Variants in ERBB4 observed in about 807,000 individuals in gnomAD.
The protein encoded by ERBB4 is receptor tyrosine-protein kinase erbB-4.
A neutral mutation model predicts 158.0 loss-of-function variants in ERBB4; 42 were observed. The observed-to-expected ratio is 0.27, with a 90% CI of 0.21 to 0.34. ERBB4 has a LOEUF of 0.34. Ranked by LOEUF, ERBB4 falls within the 10% of genes least tolerant of loss-of-function variation. The probability of loss-of-function intolerance (pLI) is 1.00; values close to 1 mark genes in which losing one functional copy is unlikely to be tolerated. For missense variants in ERBB4, 1,333 were observed against 1,624.1 expected (o/e 0.82, Z 3.08); for synonymous variants, 583 against 558.7 (o/e 1.04, Z -0.61).
intron 3 of ERBB4, among the ~76,000 whole-genome samples, chr2:211,920,456 TTTACTC>T (rs1309677252): frequency 6.6e-6 from 1 of 151,966 alleles, no homozygotes; most frequent in Non-Finnish European, 1.5e-5. Flanking sequence ...AGGTGGTACT[TTTACTC>T]TGAGCTGTTT....
At chr2:212,333,310 G>T (rs1481096368) in intron 1 of ERBB4, among the ~76,000 whole-genome samples, 1 of 151,692 alleles carries the variant, frequency 6.6e-6, no homozygotes, top group Non-Finnish European at 1.5e-5. Flanking sequence ...AATCCGGGTG[G>T]CCATAACTAA....
At chr2:211,851,281 G>GA (rs1468761830) in intron 3 of ERBB4, among the ~76,000 whole-genome samples, 1 of 151,630 alleles carries the variant, frequency 6.6e-6, no homozygotes, top group African/African-American at 2.4e-5. Context: ...AGGTCTGCAA[G>GA]AAATATAATT....
chr2:211,655,660 G>T (rs2071184507), intron 16 of ERBB4, among the ~76,000 whole-genome samples: 1 of 152,206 alleles, frequency 6.6e-6, no homozygotes, highest in Admixed American at 6.5e-5. Context: ...TGTTCTAGCT[G>T]ATAATGCAGT....
At chr2:211,773,724 C>T (rs73069336) in intron 4 of ERBB4, among the ~76,000 whole-genome samples, 20,616 of 140,754 alleles carry the variant, frequency 0.15, 1,762 homozygotes, top group South Asian at 0.33. Flanking sequence ...TATATATATA[C>T]ACACACACAC....
At chr2:211,695,517 G>A (rs1313837951) in intron 12 of ERBB4, among the ~76,000 whole-genome samples, 1 of 151,962 alleles carries the variant, frequency 6.6e-6, no homozygotes, top group Non-Finnish European at 1.5e-5. Context: ...ATTTTAAAAT[G>A]TTTTAATTTA....
At chr2:212,263,282 A>T (rs545528330) in intron 1 of ERBB4, among the ~76,000 whole-genome samples, 1 of 152,172 alleles carries the variant, frequency 6.6e-6, no homozygotes, top group East Asian at 1.9e-4. Context: ...ACTGTGAGAG[A>T]ACAAATTTCT....
At chr2:211,925,193 T>C (rs548915627) in intron 3 of ERBB4, among the ~76,000 whole-genome samples, 12 of 152,122 alleles carry the variant, frequency 7.9e-5, no homozygotes, top group Admixed American at 7.9e-4. Context: ...GAAAAATACT[T>C]TTTCTTTATA....
At chr2:211,721,627 A>G (rs1193804685) in intron 7 of ERBB4, among the ~76,000 whole-genome samples, 1 of 64,592 alleles carries the variant, frequency 1.5e-5, no homozygotes, top group African/African-American at 7.5e-5. Flanking sequence ...AAACATATAT[A>G]TATATATATA....
chr2:211,541,629 A>T (rs2066812469), intron 20 of ERBB4, among the ~76,000 whole-genome samples: 1 of 152,060 alleles, frequency 6.6e-6, no homozygotes, highest in Non-Finnish European at 1.5e-5. Context: ...GTTCTTCTTC[A>T]TCAGGACTTT....
intron 3 of ERBB4, among the ~76,000 whole-genome samples, chr2:211,848,858 TATGCAACTAGCAG>T (rs2077653371): frequency 6.6e-6 from 1 of 152,232 alleles, no homozygotes; most frequent in African/African-American, 2.4e-5. Flanking sequence ...TATCAGCTGG[TATGCAACTAGCAG>T]ATGCTCAGCT....
intron 1 of ERBB4, among the ~76,000 whole-genome samples, chr2:212,299,262 T>A (rs1465221145): frequency 6.6e-6 from 1 of 151,686 alleles, no homozygotes; most frequent in Non-Finnish European, 1.5e-5. Flanking sequence ...ATGACACCAA[T>A]TACTTTTGCC....
At chr2:211,804,833 A>G (rs907250049) in intron 3 of ERBB4, among the ~76,000 whole-genome samples, 3 of 152,108 alleles carry the variant, frequency 2.0e-5, no homozygotes, top group African/African-American at 7.2e-5. Context: ...GAACATGGTT[A>G]GAGTGAATCC....
intron 1 of ERBB4, among the ~76,000 whole-genome samples, chr2:212,430,543 C>T (rs903519783): frequency 3.3e-5 from 5 of 151,680 alleles, no homozygotes; most frequent in African/African-American, 4.8e-5. Flanking sequence ...TGGGTTGAAG[C>T]GATTCTCCTG....
intron 2 of ERBB4, among the ~76,000 whole-genome samples, chr2:212,022,071 C>T (rs1321655393): frequency 6.6e-6 from 1 of 152,098 alleles, no homozygotes; most frequent in Non-Finnish European, 1.5e-5. Context: ...TACACCATTG[C>T]TGCGAATGTA....
chr2:211,400,756 T>C (rs992053057), intron 25 of ERBB4, among the ~76,000 whole-genome samples: 11 of 150,994 alleles, frequency 7.3e-5, no homozygotes, highest in African/African-American at 2.7e-4. Context: ...TTTAGCTGTA[T>C]ATTTTAAAAT....
At chr2:212,434,928 A>G (rs1299708674) in intron 1 of ERBB4, among the ~76,000 whole-genome samples, 1 of 152,052 alleles carries the variant, frequency 6.6e-6, no homozygotes, top group African/African-American at 2.4e-5. Flanking sequence ...GAAGAAAAGA[A>G]AATTTTCAAG....
At chr2:212,029,747 C>T (rs900324763) in intron 2 of ERBB4, among the ~76,000 whole-genome samples, 1 of 152,102 alleles carries the variant, frequency 6.6e-6, no homozygotes, top group African/African-American at 2.4e-5. Context: ...ATTCATACTT[C>T]TCAGGTTTCA....
intron 2 of ERBB4, among the ~76,000 whole-genome samples, chr2:212,020,263 T>C (rs2076619691): frequency 6.6e-6 from 1 of 152,018 alleles, no homozygotes; most frequent in Non-Finnish European, 1.5e-5. Context: ...ACGCTTCATC[T>C]TTTCTCTCTA....
intron 2 of ERBB4, among the ~76,000 whole-genome samples, chr2:211,952,018 C>T (rs562604353): frequency 4.6e-5 from 7 of 152,092 alleles, no homozygotes; most frequent in African/African-American, 1.7e-4. Context: ...GAAAAAAAAT[C>T]ATAGCAAATC....
Sources: allele counts gnomAD v4.1 joint callset (sites outside exome capture counted in the v4.1 genomes callset), GRCh38; gene constraint gnomAD v4.1.1; transcripts MANE v1.5; gene names NCBI Gene and HGNC (gene_info 2026-07-23, HGNC 2026-07-21).